LDLRAP1: variants seen among roughly 807,000 people sequenced by gnomAD.
The protein encoded by LDLRAP1 is low density lipoprotein receptor adapter protein 1.
Under a neutral mutation model 37.8 loss-of-function variants are expected in LDLRAP1, and 30 were observed. That is an observed-to-expected ratio of 0.79 (90% CI 0.59 to 1.08). The LOEUF (loss-of-function observed/expected upper bound fraction) is 1.08, where lower values mean the gene tolerates loss of function less well. Among genes scored for constraint, LDLRAP1 ranks in the 50% least tolerant of loss-of-function variants. LDLRAP1 has a pLI of 0.00. For synonymous variants in LDLRAP1, 156 were observed against 169.8 expected, an observed-to-expected ratio of 0.92 and a Z score of 0.63; for missense variants, 375 against 401.6, an observed-to-expected ratio of 0.93 and a Z score of 0.57.
Position 25,567,125 on chromosome 1 carries a change from C to A in LDLRAP1, c.*133C>A. On this transcript the variant is annotated 3_prime_UTR_variant, in exon 9 of 9. Coordinates refer to ENST00000374338, the MANE Select transcript of LDLRAP1 (RefSeq NM_015627.3). ...AGCATTGTCAGCCTGAAGATCAGAG[C>A]TGCAGCCAGTCAGGCAGGGGAGAGA... The A allele has an allele frequency of 8.9e-7, 1 of 1,128,494 alleles. No homozygotes were observed. The allele number at this position is 1,128,494 out of a possible 1,614,324, so 69.9% of individuals were successfully genotyped here. A position where few individuals can be genotyped will look rare whatever the true frequency, so the allele number is the denominator to read the frequency against.
chr1:25,548,335 C>CT (rs144789866), intron 1 of LDLRAP1, among the ~76,000 whole-genome samples: 1,078 of 82,296 alleles, frequency 0.013, 69 homozygotes, highest in East Asian at 0.018. Context: ...GATGGATACT[C>CT]TTTTTTTTTT....
chr1:25,562,816 C>A, intron 5 of LDLRAP1, 100 bp downstream of exon 5: 1 of 1,097,586 alleles, frequency 9.1e-7, no homozygotes, highest in Non-Finnish European at 1.4e-6. Context: ...CATCACCCAC[C>A]TGGCTTGTGA....
intron 4 of LDLRAP1, among the ~76,000 whole-genome samples, chr1:25,558,001 G>A (rs34253960): frequency 0.56 from 85,255 of 151,350 alleles, 24,402 homozygotes; most frequent in African/African-American, 0.68. Flanking sequence ...GCGTGACTGG[G>A]GAGTTCAGAG....
chr1:25,581,832 A>G, the LDLRAP1 span: 1 of 152,370 alleles, frequency 6.6e-6, no homozygotes, highest in Non-Finnish European at 1.5e-5. Context: ...CCCCAGAGCC[A>G]GGCAGGAGGG....
chr1:25,557,092 C>T, intron 3 of LDLRAP1, 61 bp from the exon 4 acceptor site: 5 of 1,263,970 alleles, frequency 4.0e-6, no homozygotes, highest in Non-Finnish European at 4.6e-6. Flanking sequence ...CCCTGCAGGG[C>T]TTCCCACATG....
the LDLRAP1 span, among the ~76,000 whole-genome samples, chr1:25,577,843 T>A: frequency 6.6e-6 from 1 of 152,184 alleles, no homozygotes; most frequent in Non-Finnish European, 1.5e-5. Flanking sequence ...GGCTCTTGTG[T>A]GGATGAGAGG....
At chr1:25,562,573 G>C (rs1322300102) in intron 4 of LDLRAP1, 71 bp from the exon 5 acceptor site, 2 of 1,338,102 alleles carry the variant, frequency 1.5e-6, no homozygotes, top group East Asian at 2.3e-5. Flanking sequence ...GGAGGCCCCA[G>C]CCCTCCAGTG....
chr1:25,556,796 T>C (rs1237011570), intron 3 of LDLRAP1, among the ~76,000 whole-genome samples: 1 of 152,184 alleles, frequency 6.6e-6, no homozygotes, highest in Non-Finnish European at 1.5e-5. Flanking sequence ...TCTCAGAGGG[T>C]AGCTTTGAGA....
rs146685460 is a variant in LDLRAP1 at position 25,551,851 on chromosome 1, G to A, written c.89-2071G>A. Among the ~76,000 whole-genome samples, 446 of 152,176 alleles carry A rather than the reference G, an allele frequency of 2.9e-3. 1 individual carries two copies. The highest frequency in any genetic ancestry group is 0.01 in the Middle Eastern group (3 of 294). On this transcript the variant is annotated intron_variant, in intron 1 of 8. Transcript: ENST00000374338. Reference sequence around the variant, plus strand: ...CTGGGGATGGGATGGGGTTGTCCTCGTCATTTCTTCCTTGAGCGAGTATTG... The same window carrying A: ...CTGGGGATGGGATGGGGTTGTCCTCATCATTTCTTCCTTGAGCGAGTATTG...
chr1:25,555,318 T>C lies in LDLRAP1; in HGVS notation c.344+346T>C, dbSNP rs980084832. Among the ~76,000 whole-genome samples the C allele has an allele frequency of 6.6e-6, 1 of 152,208 alleles. No individual in the cohort carries two copies. The highest frequency in any genetic ancestry group is 1.5e-5 in the Non-Finnish European group (1 of 68,032). On this transcript the variant is annotated intron_variant, in intron 3 of 8. Transcript: ENST00000374338. This position sits in a 1 kb window ranked among gnomAD's most constrained non-coding sequence, Gnocchi z 4.7. ...CAGAGAACTGCAGAGTCACTGCCTT[T>C]TCCTTCTGCTGTGAATGCAGCAGCT... is the stretch of plus-strand genomic sequence containing the variant.
At chr1:25,557,031 T>C in intron 3 of LDLRAP1, 122 bp from the exon 4 acceptor site, 1 of 770,188 alleles carries the variant, frequency 1.3e-6, no homozygotes, top group Non-Finnish European at 2.3e-6. Context: ...ATTCCCAGAG[T>C]CTGCCCTGGT....
At position 25,555,044 on chromosome 1, in the gene LDLRAP1, C is replaced by T. The variant is rs2044168089; in HGVS notation, c.344+72C>T. ...GTGGGTGGAGTATCCCATCTGAATC[C>T]AGGCTCTACCACTTCCTACCTGGGT... On this transcript the variant is annotated intron_variant, in intron 3 of 8. Transcript: ENST00000374338. This position sits in a 1 kb window ranked among gnomAD's most constrained non-coding sequence, Gnocchi z 4.7. 7 of 1,076,462 alleles carry T rather than the reference C, an allele frequency of 6.5e-6. No homozygotes were observed. The South Asian group carries it at 9.1e-5, about 14-fold the overall frequency. The allele number at this position is 1,076,462 out of a possible 1,614,324, so 66.7% of individuals were successfully genotyped here.
chr1:25,578,683 A>G, the LDLRAP1 span, among the ~76,000 whole-genome samples: 5 of 152,146 alleles, frequency 3.3e-5, no homozygotes, highest in South Asian at 1.0e-3. Flanking sequence ...CACCTGGCTA[A>G]TTTATATATT....
chr1:25,550,858 C>T (rs960430578), intron 1 of LDLRAP1, among the ~76,000 whole-genome samples: 16 of 152,034 alleles, frequency 1.1e-4, no homozygotes, highest in African/African-American at 3.9e-4. Context: ...TTTCAGGGGT[C>T]AGGGAGGACT....
the LDLRAP1 span, among the ~76,000 whole-genome samples, chr1:25,584,167 G>A: frequency 6.6e-6 from 1 of 151,888 alleles, no homozygotes; most frequent in Non-Finnish European, 1.5e-5. Context: ...CTCTTTGGAG[G>A]TCCCGTGGGG....
At position 25,553,723 on chromosome 1, in the gene LDLRAP1, C is replaced by G. The variant is rs566243607; in HGVS notation, c.89-199C>G. ...GGTGCAGAGGTTGCAGTAAGCTGAG[C>G]TCGCACCACTGCACTCCAGCCTGAG... On this transcript the variant is annotated intron_variant, in intron 1 of 8. Coordinates refer to ENST00000374338, the MANE Select transcript of LDLRAP1 (RefSeq NM_015627.3). The G allele has an allele frequency of 1.4e-4, 89 of 614,010 alleles. 1 individual carries two copies. The South Asian group carries it at 1.7e-3, about 12-fold the overall frequency. The allele number at this position is 614,010 out of a possible 1,614,324, so 38.0% of individuals were successfully genotyped here. A position where few individuals can be genotyped will look rare whatever the true frequency, so the allele number is the denominator to read the frequency against.
rs200278978 is a variant in LDLRAP1, at chr1:25,562,627, C to A, written c.460-17C>A. On this transcript the variant is annotated splice_polypyrimidine_tract_variant and intron_variant, in intron 4 of 8. Transcript: ENST00000374338. Reference sequence around the variant, plus strand: ...GCTGACACTGCACCCCTCCCCATCCCCACTTCCTGTTTTCAGGCACAGGCT... The same window carrying A: ...GCTGACACTGCACCCCTCCCCATCCACACTTCCTGTTTTCAGGCACAGGCT... The A allele has an allele frequency of 8.1e-6, 13 of 1,613,022 alleles. No homozygotes were observed. The highest frequency in any genetic ancestry group is 1.7e-5 in the Admixed American group (1 of 60,000).
chr1:25,560,435 G>A (rs1399451990), intron 4 of LDLRAP1, among the ~76,000 whole-genome samples: 1 of 152,076 alleles, frequency 6.6e-6, no homozygotes, highest in East Asian at 1.9e-4. Flanking sequence ...GGTGCTGCTG[G>A]GCACAGCCAG....
rs375780359 is a variant in LDLRAP1, at chr1:25,554,978, C to G, written c.344+6C>G. ...GAGAACGTGTCCATATACAGGTACG[C>G]TCAGCATGGGGTTGGCCCATCCACT... On this transcript the variant is annotated splice_donor_region_variant and intron_variant, in intron 3 of 8. Transcript: ENST00000374338. The surrounding 1 kb of genome is among the most constrained non-coding windows in gnomAD (Gnocchi z 5.4). 6.2e-7 allele frequency: 1 copy of G among 1,607,542 alleles called. No homozygotes were observed. The highest frequency in any genetic ancestry group is 1.3e-5 in the African/African-American group (1 of 74,924).
Sources: gnomAD v4.1 joint callset for allele counts (sites outside exome capture counted in the v4.1 genomes callset) on GRCh38, gnomAD v4.1.1 for gene constraint, Gnocchi (gnomAD v3.1) non-coding constraint, MANE v1.5 for transcripts, NCBI Gene and HGNC (gene_info 2026-07-23, HGNC 2026-07-21) for gene names.